PBRM1: variants seen among roughly 807,000 people sequenced by gnomAD.
PBRM1 encodes the protein polybromo 1.
In PBRM1, 27 loss-of-function variants were observed where a neutral mutation model predicts 194.5. The observed-to-expected ratio is 0.14, with a 90% CI of 0.10 to 0.19. The LOEUF is 0.19. Ranked by LOEUF, PBRM1 falls within the 10% of genes least tolerant of loss-of-function variation. The pLI, the probability that PBRM1 is intolerant of heterozygous loss-of-function variation, is 1.00. For missense variants in PBRM1, 1,466 were observed against 2,077.2 expected, an observed-to-expected ratio of 0.71 and a Z score of 5.72; for synonymous variants, 655 against 693.2, an observed-to-expected ratio of 0.94 and a Z score of 0.87.
At chr3:52,635,584 A>C (rs567528113) in intron 10 of PBRM1, among the ~76,000 whole-genome samples, 5 of 152,216 alleles carry the variant, frequency 3.3e-5, no homozygotes, top group African/African-American at 7.2e-5. Flanking sequence ...ATACAAAAAC[A>C]AAAAAACCTC....
chr3:52,596,650 G>A (rs774793425), intron 17 of PBRM1, among the ~76,000 whole-genome samples: 7 of 151,808 alleles, frequency 4.6e-5, no homozygotes, highest in Non-Finnish European at 7.4e-5. Flanking sequence ...TGGGAGCTAG[G>A]GCCTGGAATG....
intron 19 of PBRM1, 111 bp downstream of exon 21, chr3:52,587,242 A>G: frequency 1.2e-6 from 1 of 857,512 alleles, no homozygotes; most frequent in Non-Finnish European, 1.9e-6. Flanking sequence ...CACGGCTTAA[A>G]AAATAGCTTA....
At chr3:52,608,341 T>G (rs1283166492) in intron 16 of PBRM1, among the ~76,000 whole-genome samples, 1 of 152,186 alleles carries the variant, frequency 6.6e-6, no homozygotes, top group Admixed American at 6.5e-5. Flanking sequence ...ACATGCAAAC[T>G]GAAAAGATTA....
chr3:52,554,213 T>G (rs2153424722), intron 27 of PBRM1, among the ~76,000 whole-genome samples: 1 of 152,326 alleles, frequency 6.6e-6, no homozygotes, highest in South Asian at 2.1e-4. Flanking sequence ...GAGTTCTACC[T>G]TAGCAGCTCT....
chr3:52,577,603 C>T (rs1353860670), intron 21 of PBRM1, among the ~76,000 whole-genome samples: 2 of 152,112 alleles, frequency 1.3e-5, no homozygotes, highest in African/African-American at 4.8e-5. Flanking sequence ...TAACTGCAAC[C>T]TTCCTGTTCC....
At chr3:52,621,279 C>T (rs968422177) in intron 13 of PBRM1, among the ~76,000 whole-genome samples, 3 of 152,156 alleles carry the variant, frequency 2.0e-5, no homozygotes, top group Non-Finnish European at 4.4e-5. Context: ...CCTGCCTCAG[C>T]CTCCCAAGTA....
intron 9 of PBRM1, among the ~76,000 whole-genome samples, chr3:52,642,366 G>C (rs1199923914): frequency 6.6e-6 from 1 of 152,082 alleles, no homozygotes; most frequent in Non-Finnish European, 1.5e-5. Context: ...TGTAATCCCA[G>C]CACTTTGGGA....
chr3:52,644,593 C>T (rs568620489), intron 8 of PBRM1, 111 bp downstream of exon 9: 11 of 462,982 alleles, frequency 2.4e-5, no homozygotes, highest in African/African-American at 2.1e-4. Context: ...CCATGTTGGC[C>T]AGGATGGTCT....
At chr3:52,554,257 T>C (rs983676461) in intron 27 of PBRM1, among the ~76,000 whole-genome samples, 12 of 152,174 alleles carry the variant, frequency 7.9e-5, no homozygotes, top group African/African-American at 2.9e-4. Flanking sequence ...TGAGGAGAAG[T>C]AGGAGATGGA....
intron 17 of PBRM1, among the ~76,000 whole-genome samples, chr3:52,590,218 G>A (rs112471868): frequency 6.6e-6 from 1 of 151,830 alleles, no homozygotes; most frequent in Non-Finnish European, 1.5e-5. Context: ...TTGGGAGGCC[G>A]AGGCGGGCGG....
intron 22 of PBRM1, among the ~76,000 whole-genome samples, chr3:52,573,309 T>C (rs1358144937): frequency 2.0e-5 from 3 of 151,980 alleles, no homozygotes; most frequent in African/African-American, 7.2e-5. Context: ...TTTTGTTACA[T>C]AGAGTCTCTT....
chr3:52,562,515 A>G, intron 24 of PBRM1, among the ~76,000 whole-genome samples: 1 of 150,628 alleles, frequency 6.6e-6, no homozygotes, highest in East Asian at 1.9e-4. Context: ...TGGTGACCTC[A>G]CAATTAAGTC....
rs367571595 is a variant in PBRM1 at position 52,643,233 on chromosome 3, C to T, written c.995+15G>A. ...AGCACAGGTCAACTCTCAGACTAAACACTCTTTTTCTCACCGGTAATACTT... is the reference window on the plus strand; with the variant it reads ...AGCACAGGTCAACTCTCAGACTAAATACTCTTTTTCTCACCGGTAATACTT... On this transcript the variant is annotated intron_variant, in intron 9 of 29. Transcript: ENST00000296302. 6.4e-7 allele frequency: 1 copy of T among 1,566,332 alleles called. No homozygotes were observed. Among genetic ancestry groups the T allele is most frequent in the African/African-American group, 1.4e-5 (1 of 73,954 alleles).
chr3:52,623,809 C>T (rs966126185), intron 13 of PBRM1, among the ~76,000 whole-genome samples: 1 of 152,172 alleles, frequency 6.6e-6, no homozygotes, highest in Admixed American at 6.5e-5. Context: ...CAGTCAGGCT[C>T]TAGAACTCAG....
At chr3:52,620,225 A>T (rs1285631275) in intron 13 of PBRM1, among the ~76,000 whole-genome samples, 1 of 152,226 alleles carries the variant, frequency 6.6e-6, no homozygotes, top group Non-Finnish European at 1.5e-5. Context: ...AACACAGATG[A>T]CTTTAACCTT....
At chr3:52,545,838 TTTC>T (rs1177127053), downstream of PBRM1, 4 of 233,104 alleles carry the variant, frequency 1.7e-5, no homozygotes, top group Non-Finnish European at 3.4e-5. Context: ...TTACTTGTAC[TTTC>T]TTGAGTCAAT....
chr3:52,614,089 T>G (rs1391306100), intron 15 of PBRM1, among the ~76,000 whole-genome samples: 1 of 152,028 alleles, frequency 6.6e-6, no homozygotes, highest in Non-Finnish European at 1.5e-5. Context: ...AAAGCTAGTC[T>G]GGGCCAGGCG....
intron 16 of PBRM1, among the ~76,000 whole-genome samples, chr3:52,604,375 C>T (rs1019894108): frequency 1.3e-5 from 2 of 152,176 alleles, no homozygotes; most frequent in Non-Finnish European, 1.5e-5. Flanking sequence ...GTATGTCATA[C>T]CCAGAACTTT....
chr3:52,665,621 T>A (rs557740533), intron 3 of PBRM1, among the ~76,000 whole-genome samples: 1 of 152,176 alleles, frequency 6.6e-6, no homozygotes, highest in Non-Finnish European at 1.5e-5. Context: ...GGCATTAGAT[T>A]CTCATAGGAG....
Sources: allele counts gnomAD v4.1 joint callset (sites outside exome capture counted in the v4.1 genomes callset), GRCh38; gene constraint gnomAD v4.1.1; transcripts MANE v1.5; gene names NCBI Gene and HGNC (gene_info 2026-07-23, HGNC 2026-07-21).